Variants in NAALADL2 observed in about 807,000 individuals in gnomAD.
NAALADL2 encodes the protein N-acetylated alpha-linked acidic dipeptidase like 2.
NAALADL2 carries 76 observed loss-of-function variants against 87.2 expected under a neutral mutation model. The ratio of observed to expected loss-of-function variants is 0.87; its 90% CI spans 0.72 to 1.05. The LOEUF (loss-of-function observed/expected upper bound fraction) is 1.05, where lower values mean the gene tolerates loss of function less well. Ranked by LOEUF, NAALADL2 falls within the 50% of genes least tolerant of loss-of-function variation. The pLI, the probability that NAALADL2 is intolerant of heterozygous loss-of-function variation, is 0.00. For missense variants in NAALADL2, 1,089 were observed against 945.8 expected, an observed-to-expected ratio of 1.15 and a Z score of -1.99; for synonymous variants, 354 against 331.0, an observed-to-expected ratio of 1.07 and a Z score of -0.75.
chr3:174,922,862 T>C (rs775464685), intron 1 of NAALADL2, among the ~76,000 whole-genome samples: 6 of 152,232 alleles, frequency 3.9e-5, no homozygotes, highest in Non-Finnish European at 8.8e-5. Flanking sequence ...CTGATGTTAT[T>C]ATCAAGACTT....
intron 1 of NAALADL2, among the ~76,000 whole-genome samples, chr3:174,951,686 T>TG (rs1199519796): frequency 6.6e-6 from 1 of 152,124 alleles, no homozygotes; most frequent in Non-Finnish European, 1.5e-5. Flanking sequence ...CTTTAAATGT[T>TG]GTAATCAATA....
At chr3:174,809,545 A>C (rs1200931197) in intron 3 of NAALADL2, among the ~76,000 whole-genome samples, 2 of 152,156 alleles carry the variant, frequency 1.3e-5, no homozygotes, top group Non-Finnish European at 2.9e-5. Flanking sequence ...ATTTGGGGGC[A>C]AGCCTTTCTA....
Position 175,029,669 on chromosome 3 carries a change from TAA to T in NAALADL2, c.44-67120_44-67119del, listed in dbSNP as rs567551067. ...AATATGATTATATTGAAAAATGAAA[TAA>T]GTCTAAATGAAAATATCTTGTAGTA... is the stretch of plus-strand genomic sequence containing the variant. On this transcript the variant is annotated intron_variant, in intron 1 of 13. Transcript: ENST00000454872. Among the ~76,000 whole-genome samples the T allele has an allele frequency of 9.2e-4, 140 of 152,112 alleles. 3 individuals are homozygous for T. In the South Asian group the frequency reaches 0.026, roughly 28 times the overall value.
chr3:175,299,282 A>G (rs1756742732), intron 4 of NAALADL2, among the ~76,000 whole-genome samples: 1 of 152,014 alleles, frequency 6.6e-6, no homozygotes, highest in Non-Finnish European at 1.5e-5. Flanking sequence ...TGAAATATAA[A>G]GTAGTTTTTT....
chr3:175,027,533 T>C (rs1752356039), intron 1 of NAALADL2, among the ~76,000 whole-genome samples: 1 of 152,142 alleles, frequency 6.6e-6, no homozygotes, highest in South Asian at 2.1e-4. Context: ...AATTACAAAA[T>C]TAGCTCTAAT....
intron 1 of NAALADL2, among the ~76,000 whole-genome samples, chr3:174,456,347 T>C (rs1715829125): frequency 8.4e-6 from 1 of 119,242 alleles, no homozygotes; most frequent in South Asian, 2.5e-4. Context: ...TTCACACAAC[T>C]AGAAAACTGT....
At chr3:174,676,877 AAATG>A (rs1727087456) in intron 2 of NAALADL2, among the ~76,000 whole-genome samples, 1 of 152,022 alleles carries the variant, frequency 6.6e-6, no homozygotes, top group Non-Finnish European at 1.5e-5. Flanking sequence ...ATATTTATAG[AAATG>A]AATAATGAAC....
chr3:174,882,603 A>ACG, intron 1 of NAALADL2, among the ~76,000 whole-genome samples: 1 of 134,934 alleles, frequency 7.4e-6, no homozygotes, highest in African/African-American at 3.3e-5. Context: ...ATATACACAT[A>ACG]CATATATGTG....
At chr3:175,799,039 A>G (rs1282060162) in intron 13 of NAALADL2, among the ~76,000 whole-genome samples, 3 of 152,098 alleles carry the variant, frequency 2.0e-5, no homozygotes, top group South Asian at 2.1e-4. Flanking sequence ...TTTAAGGAAT[A>G]GTTTTTGATA....
At chr3:175,722,549 T>G (rs1203653931) in intron 11 of NAALADL2, among the ~76,000 whole-genome samples, 1 of 152,132 alleles carries the variant, frequency 6.6e-6, no homozygotes, top group Non-Finnish European at 1.5e-5. Context: ...CAATTTATCA[T>G]AACGAAGGTA....
intron 10 of NAALADL2, among the ~76,000 whole-genome samples, chr3:175,614,848 A>G (rs1725127511): frequency 6.6e-6 from 1 of 152,230 alleles, no homozygotes; most frequent in African/African-American, 2.4e-5. Flanking sequence ...AACTGGCATG[A>G]CAAAGGCCTA....
At chr3:175,327,144 A>ATTTTTTTT (rs1430148542) in intron 5 of NAALADL2, among the ~76,000 whole-genome samples, 7 of 114,414 alleles carry the variant, frequency 6.1e-5, no homozygotes, top group East Asian at 2.9e-4. Flanking sequence ...AACTGTCTAC[A>ATTTTTTTT]TTTCTTTTTT....
chr3:175,066,360 A>G (rs1195928885), intron 1 of NAALADL2, among the ~76,000 whole-genome samples: 2 of 152,070 alleles, frequency 1.3e-5, no homozygotes, highest in East Asian at 3.9e-4. Context: ...CCATATCACT[A>G]TCATGTAGTG....
chr3:175,105,932 A>G (rs1723073833), intron 2 of NAALADL2, among the ~76,000 whole-genome samples: 1 of 152,084 alleles, frequency 6.6e-6, no homozygotes, highest in Non-Finnish European at 1.5e-5. Flanking sequence ...ACAAGTTTTC[A>G]GGAGGTGCAA....
chr3:175,423,051 A>ATT (rs201372383), intron 5 of NAALADL2, among the ~76,000 whole-genome samples: 14 of 91,504 alleles, frequency 1.5e-4, no homozygotes, highest in Admixed American at 7.5e-4. Context: ...ATATATATAT[A>ATT]TTTTTTTTTT....
At chr3:174,471,597 T>C (rs1366586556) in intron 1 of NAALADL2, among the ~76,000 whole-genome samples, 3 of 151,996 alleles carry the variant, frequency 2.0e-5, no homozygotes, top group South Asian at 4.1e-4. Context: ...TTTATATTAA[T>C]TGGTATGCAT....
chr3:175,561,004 C>T (rs16825947), intron 9 of NAALADL2, among the ~76,000 whole-genome samples: 19,739 of 152,096 alleles, frequency 0.13, 1,382 homozygotes, highest in Middle Eastern at 0.17. Context: ...TTACCTTATA[C>T]GATTTGAATA....
intron 9 of NAALADL2, among the ~76,000 whole-genome samples, chr3:175,485,313 A>T (rs1374733210): frequency 6.6e-6 from 1 of 152,134 alleles, no homozygotes; most frequent in Non-Finnish European, 1.5e-5. Context: ...AGTCTGAATT[A>T]GGTAGGATTC....
chr3:174,461,523 GAA>G (rs781525741), intron 1 of NAALADL2, among the ~76,000 whole-genome samples: 1 of 151,954 alleles, frequency 6.6e-6, no homozygotes, highest in Non-Finnish European at 1.5e-5. Context: ...ACTCATACTG[GAA>G]AAATACTGTT....
Sources: allele counts gnomAD v4.1 joint callset (sites outside exome capture counted in the v4.1 genomes callset), GRCh38; gene constraint gnomAD v4.1.1; transcripts MANE v1.5; gene names NCBI Gene and HGNC (gene_info 2026-07-23, HGNC 2026-07-21).